The following PFKFB3 variants were observed in gnomAD, a reference collection of about 807,000 sequenced individuals.
PFKFB3 encodes the protein 6-phosphofructo-2-kinase/fructose-2,6-bisphosphatase 3.
Under a neutral mutation model 68.0 loss-of-function variants are expected in PFKFB3, and 33 were observed. The observed-to-expected ratio is 0.49, with a 90% CI of 0.37 to 0.65. The LOEUF (loss-of-function observed/expected upper bound fraction) is 0.65, where lower values mean the gene tolerates loss of function less well. Among genes scored for constraint, PFKFB3 ranks in the 30% least tolerant of loss-of-function variants. The pLI is 0.00. For synonymous variants in PFKFB3, 315 were observed against 288.2 expected (o/e 1.09, Z -0.94); for missense variants, 586 against 712.2 (o/e 0.82, Z 2.02).
chr10:6,156,676 T>A (rs1014970267), intron 1 of PFKFB3, among the ~76,000 whole-genome samples: 5 of 150,414 alleles, frequency 3.3e-5, no homozygotes, highest in African/African-American at 1.2e-4. Flanking sequence ...TTAGTAGAGA[T>A]GGGGTTTCGC....
At chr10:6,223,925 T>A (rs1845141816) in intron 11 of PFKFB3, 33 bp from the exon 12 acceptor site, 2 of 1,602,000 alleles carry the variant, frequency 1.2e-6, no homozygotes, top group East Asian at 4.5e-5. Context: ...CCGTGTCTCA[T>A]TTCTAACTGT....
chr10:6,226,062 C>T (rs1190065611), intron 13 of PFKFB3, 130 bp from the exon 14 acceptor site: 2 of 789,444 alleles, frequency 2.5e-6, no homozygotes, highest in Non-Finnish European at 4.1e-6. Flanking sequence ...GGCCCGTGGT[C>T]CCGGCCACTC....
intron 1 of PFKFB3, among the ~76,000 whole-genome samples, chr10:6,195,646 C>A (rs1843157570): frequency 6.6e-6 from 1 of 152,214 alleles, no homozygotes; most frequent in African/African-American, 2.4e-5. Flanking sequence ...AAACGTGGTT[C>A]ACTTCCAGGA....
chr10:6,193,390 T>A (rs1843084548), intron 1 of PFKFB3, among the ~76,000 whole-genome samples: 1 of 152,208 alleles, frequency 6.6e-6, no homozygotes, highest in Non-Finnish European at 1.5e-5. Flanking sequence ...AAAAGTATTG[T>A]GTATCCATTA....
chr10:6,260,195 C>T, the PFKFB3 span, among the ~76,000 whole-genome samples: 2 of 151,988 alleles, frequency 1.3e-5, no homozygotes, highest in South Asian at 2.1e-4. Flanking sequence ...AGGTGGATCA[C>T]GAGGTCAGGA....
At chr10:6,224,328 C>A in intron 13 of PFKFB3, 115 bp downstream of exon 13, 2 of 950,658 alleles carry the variant, frequency 2.1e-6, no homozygotes, top group Non-Finnish European at 3.3e-6. Context: ...CTGTCTGGGG[C>A]CATGGGCCTG....
At chr10:6,227,081 G>A (rs1184348315) in intron 14 of PFKFB3, among the ~76,000 whole-genome samples, 23 of 150,860 alleles carry the variant, frequency 1.5e-4, no homozygotes, top group Non-Finnish European at 2.4e-4. Flanking sequence ...GGGAGACTCC[G>A]TCTCAAAAAA....
chr10:6,279,636 T>A, the PFKFB3 span, among the ~76,000 whole-genome samples: 1 of 152,146 alleles, frequency 6.6e-6, no homozygotes, highest in Non-Finnish European at 1.5e-5. Context: ...CCTCCTGGAA[T>A]GTCAGCAGAG....
chr10:6,324,880 A>G, the PFKFB3 span, among the ~76,000 whole-genome samples: 1 of 152,176 alleles, frequency 6.6e-6, no homozygotes, highest in African/African-American at 2.4e-5. Flanking sequence ...AGGGCTCACA[A>G]CTTCTTCGAG....
the PFKFB3 span, among the ~76,000 whole-genome samples, chr10:6,268,908 A>G: frequency 6.6e-6 from 1 of 150,930 alleles, no homozygotes; most frequent in Non-Finnish European, 1.5e-5. Flanking sequence ...CTGTAGTCCC[A>G]GCTATTTGGG....
intron 1 of PFKFB3, among the ~76,000 whole-genome samples, chr10:6,187,731 C>T (rs1842909643): frequency 6.6e-6 from 1 of 152,146 alleles, no homozygotes; most frequent in African/African-American, 2.4e-5. Flanking sequence ...GAAGTGTGCA[C>T]CTTCCGAAAC....
At chr10:6,270,164 A>G in the PFKFB3 span, among the ~76,000 whole-genome samples, 52 of 152,230 alleles carry the variant, frequency 3.4e-4, no homozygotes, top group South Asian at 9.3e-3. Context: ...AAACAACAAC[A>G]ACGACAACAA....
rs75438618 is a variant in PFKFB3, at chr10:6,147,204, C to T, written c.16+2191C>T. 2.7e-3 allele frequency among the ~76,000 whole-genome samples: 407 copies of T among 152,302 alleles called. 1 individual carries two copies. The highest frequency in any genetic ancestry group is 4.0e-3 in the Admixed American group (61 of 15,290). ...GCACGGCACGTCAACCCTGCACTGA[C>T]GGAGGTGCAGGAGACGCCAGTGCAG... On this transcript the variant is annotated intron_variant, in intron 1 of 14. Coordinates refer to the PFKFB3 transcript ENST00000379789.
chr10:6,257,628 G>A (rs951444278), downstream of PFKFB3, among the ~76,000 whole-genome samples: 4 of 152,134 alleles, frequency 2.6e-5, no homozygotes, highest in Non-Finnish European at 5.9e-5. Flanking sequence ...ACTAATAGGA[G>A]GTTGGTTAGG....
intron 1 of PFKFB3, among the ~76,000 whole-genome samples, chr10:6,180,826 T>A (rs1258727311): frequency 6.6e-6 from 1 of 152,200 alleles, no homozygotes; most frequent in Non-Finnish European, 1.5e-5. Flanking sequence ...TTACTTTTAA[T>A]GACCCAAACT....
Position 6,223,078 on chromosome 10 carries a change from G to T in PFKFB3, c.1213+94G>T, listed in dbSNP as rs1377871743. 3.8e-6 allele frequency: 5 copies of T among 1,327,946 alleles called. No individual in the cohort carries two copies. In the East Asian group the frequency reaches 1.3e-4, roughly 34 times the overall value. The allele number at this position is 1,327,946 out of a possible 1,614,324, so 82.3% of individuals were successfully genotyped here. A position where few individuals can be genotyped will look rare whatever the true frequency, so the allele number is the denominator to read the frequency against. On this transcript the variant is annotated intron_variant, in intron 11 of 14. Coordinates refer to ENST00000379775, the MANE Select transcript of PFKFB3 (RefSeq NM_004566.4). The stretch of plus-strand genomic sequence containing the variant: ...GCAGACCTGCCGTGGCCTGCCCTGT[G>T]TTGGCTGCTGTGCCATGGGGTGTTA...
intron 1 of PFKFB3, chr10:6,146,552 T>TC (rs148139818): frequency 0.031 from 45,509 of 1,460,810 alleles, 2,535 homozygotes; most frequent in Admixed American, 0.23. Context: ...AGAGTGTCCC[T>TC]CCCCCCCTAC....
At chr10:6,213,445 A>G (rs544373673) in intron 1 of PFKFB3, among the ~76,000 whole-genome samples, 178 bp from the exon 2 acceptor site, 17 of 152,282 alleles carry the variant, frequency 1.1e-4, no homozygotes, top group African/African-American at 3.9e-4. Flanking sequence ...GTTTAAGTCT[A>G]GAGGTTTGAG....
rs184173061 is a variant in PFKFB3 at position 6,155,447 on chromosome 10, G to A, written c.16+10434G>A. Among the ~76,000 whole-genome samples the A allele has an allele frequency of 9.8e-3, 1,496 of 151,994 alleles. 59 individuals carry two copies. The highest frequency in any genetic ancestry group is 0.067 in the Admixed American group (1,020 of 15,242). ...TCTCGATCTCCTGACCTCGTGATCC[G>A]CCCGTCTCAGCCTCCCAAAGTGCTG... On this transcript the variant is annotated intron_variant, in intron 1 of 14. Coordinates refer to the PFKFB3 transcript ENST00000379789.
Sources: allele counts gnomAD v4.1 joint callset (sites outside exome capture counted in the v4.1 genomes callset), GRCh38; gene constraint gnomAD v4.1.1; transcripts MANE v1.5; gene names NCBI Gene and HGNC (gene_info 2026-07-23, HGNC 2026-07-21).